CDH13: variants seen among roughly 807,000 people sequenced by gnomAD.
CDH13 encodes cadherin-13.
In CDH13, 24 loss-of-function variants were observed where a neutral mutation model predicts 63.8. The ratio of observed to expected loss-of-function variants is 0.38; its 90% CI spans 0.27 to 0.53. The LOEUF is 0.53. Among genes scored for constraint, CDH13 ranks in the 20% least tolerant of loss-of-function variants. CDH13 has a pLI of 0.85. For missense variants in CDH13, 1,049 were observed against 903.1 expected (o/e 1.16, Z -2.07); for synonymous variants, 503 against 355.3 (o/e 1.42, Z -4.67).
chr16:82,712,021 C>G (rs763945077), intron 1 of CDH13, among the ~76,000 whole-genome samples: 4 of 152,194 alleles, frequency 2.6e-5, no homozygotes, highest in Non-Finnish European at 5.9e-5. Context: ...ATTCTGCTCT[C>G]TCGCCTTCCT....
intron 7 of CDH13, among the ~76,000 whole-genome samples, chr16:83,587,710 CA>C (rs1296555049): frequency 4.6e-5 from 7 of 152,170 alleles, no homozygotes; most frequent in Non-Finnish European, 1.0e-4. Flanking sequence ...AAAATCTTAA[CA>C]TACGGAGCCA....
chr16:83,006,808 G>A lies in CDH13; in HGVS notation c.158-25202G>A, dbSNP rs948893148. Among the ~76,000 whole-genome samples, 8 of 152,240 alleles carry A rather than the reference G, an allele frequency of 5.3e-5. No homozygotes were observed. In the South Asian group the frequency reaches 8.3e-4, roughly 16 times the overall value. On this transcript the variant is annotated intron_variant, in intron 2 of 13. Transcript: ENST00000567109. ...TTTGGATGTTTTAGAATAGAATAAC[G>A]CCATTTGTTGAAATTCACTGAAGTA...
At chr16:83,721,668 C>T (rs1298953043) in intron 10 of CDH13, 2 of 152,216 alleles carry the variant, frequency 1.3e-5, no homozygotes, top group African/African-American at 4.8e-5. Context: ...AAATCCAAAC[C>T]AGCAAACAAC....
intron 2 of CDH13, among the ~76,000 whole-genome samples, chr16:82,946,173 T>G (rs1904693598): frequency 2.0e-5 from 3 of 151,498 alleles, no homozygotes; most frequent in Admixed American, 1.3e-4. Flanking sequence ...ATTTGTTGAT[T>G]AAATTAATGA....
chr16:82,672,301 A>C (rs1386547410), intron 1 of CDH13, among the ~76,000 whole-genome samples: 1 of 152,146 alleles, frequency 6.6e-6, no homozygotes, highest in African/African-American at 2.4e-5. Context: ...CTTCCTCATT[A>C]TTACTCCTTG....
intron 4 of CDH13, among the ~76,000 whole-genome samples, chr16:83,163,265 T>C (rs12103103): frequency 0.22 from 33,111 of 151,970 alleles, 5,001 homozygotes; most frequent in African/African-American, 0.42. Flanking sequence ...TTATCAGTAG[T>C]GCAAAAAATG....
intron 1 of CDH13, among the ~76,000 whole-genome samples, chr16:82,707,784 C>T (rs993084305): frequency 3.3e-5 from 5 of 152,206 alleles, no homozygotes; most frequent in African/African-American, 1.2e-4. Context: ...ACAAAGCAGC[C>T]TCTTGGACTA....
chr16:83,557,281 C>T (rs1245172219), intron 7 of CDH13, among the ~76,000 whole-genome samples: 1 of 152,130 alleles, frequency 6.6e-6, no homozygotes, highest in Non-Finnish European at 1.5e-5. Context: ...CCACAGATTC[C>T]ACATTATGGC....
intron 5 of CDH13, among the ~76,000 whole-genome samples, chr16:83,315,109 G>A (rs2090079236): frequency 6.6e-6 from 1 of 152,168 alleles, no homozygotes; most frequent in Admixed American, 6.5e-5. Context: ...GAATGCAGAA[G>A]AACAACCAGC....
intron 6 of CDH13, among the ~76,000 whole-genome samples, chr16:83,467,878 A>G (rs144789896): frequency 8.5e-4 from 129 of 152,336 alleles, no homozygotes; most frequent in African/African-American, 3.0e-3. Context: ...TACCCTGGGC[A>G]GCATAAACAG....
chr16:83,600,242 A>G (rs1042520324), intron 7 of CDH13, among the ~76,000 whole-genome samples: 1 of 152,224 alleles, frequency 6.6e-6, no homozygotes, highest in Admixed American at 6.5e-5. Context: ...TGTACTCAGC[A>G]GTCAGAGAAC....
At chr16:83,646,812 C>G (rs1911862941) in intron 8 of CDH13, among the ~76,000 whole-genome samples, 2 of 151,618 alleles carry the variant, frequency 1.3e-5, no homozygotes, top group South Asian at 2.1e-4. Context: ...GTTCCAGTAA[C>G]CGCAGAGCCA....
intron 1 of CDH13, among the ~76,000 whole-genome samples, chr16:82,857,366 C>A (rs190148064): frequency 6.6e-6 from 1 of 152,304 alleles, no homozygotes; most frequent in African/African-American, 2.4e-5. Flanking sequence ...TGTTACGGAG[C>A]CTCTTCTCTG....
At chr16:82,904,143 C>T (rs576986890) in intron 2 of CDH13, among the ~76,000 whole-genome samples, 1 of 152,070 alleles carries the variant, frequency 6.6e-6, no homozygotes, top group Non-Finnish European at 1.5e-5. Flanking sequence ...AAGAAAAAAA[C>T]ACCTGTATAT....
chr16:83,690,544 A>G (rs756134095), intron 10 of CDH13, among the ~76,000 whole-genome samples: 12 of 152,054 alleles, frequency 7.9e-5, no homozygotes, highest in Non-Finnish European at 1.8e-4. Context: ...GAAGATGGGG[A>G]AAGTGTTAAG....
rs148586635 is a variant in CDH13, at chr16:82,703,829, T to G, written c.45+76692T>G. ...GTACAACAATGTGTATATACTTCCTTAGGAAGCTGGTCATTCAGAGCCCCG... is the reference window on the plus strand; with the variant it reads ...GTACAACAATGTGTATATACTTCCTGAGGAAGCTGGTCATTCAGAGCCCCG... On this transcript the variant is annotated intron_variant, in intron 1 of 13. Coordinates refer to ENST00000567109, the MANE Select transcript of CDH13 (RefSeq NM_001257.5). 2.6e-3 allele frequency among the ~76,000 whole-genome samples: 391 copies of G among 152,236 alleles called. 2 individuals are homozygous for G. The highest frequency in any genetic ancestry group is 9.1e-3 in the African/African-American group (379 of 41,540).
chr16:82,809,467 G>A lies in CDH13; in HGVS notation c.46-48895G>A, dbSNP rs139714966. On this transcript the variant is annotated intron_variant, in intron 1 of 13. Transcript: ENST00000567109. ...AAGATCACATTATCATTAAGAATTC[G>A]CTCAGGGCATGTAAAGATGGCTGAG... Among the ~76,000 whole-genome samples the A allele has an allele frequency of 3.7e-3, 562 of 152,148 alleles. 3 individuals carry two copies. The highest frequency in any genetic ancestry group is 0.012 in the African/African-American group (516 of 41,512).
chr16:83,524,978 G>C (rs974931590), intron 7 of CDH13, among the ~76,000 whole-genome samples: 1 of 152,184 alleles, frequency 6.6e-6, no homozygotes, highest in African/African-American at 2.4e-5. Context: ...ATAGATTCTT[G>C]CTGTGTCAAC....
At chr16:83,304,825 T>G (rs1323259110) in intron 5 of CDH13, among the ~76,000 whole-genome samples, 2 of 152,168 alleles carry the variant, frequency 1.3e-5, no homozygotes, top group African/African-American at 2.4e-5. Flanking sequence ...TAGGCTTCAG[T>G]AGCAAACTCT....
Sources: gnomAD v4.1 joint callset for allele counts (sites outside exome capture counted in the v4.1 genomes callset) on GRCh38, gnomAD v4.1.1 for gene constraint, MANE v1.5 for transcripts, NCBI Gene and HGNC (gene_info 2026-07-23, HGNC 2026-07-21) for gene names.